The following TRIM22 variants were observed in gnomAD, a reference collection of about 807,000 sequenced individuals.
The protein encoded by TRIM22 is E3 ubiquitin-protein ligase TRIM22.
In TRIM22, 45 loss-of-function variants were observed where a neutral mutation model predicts 53.6. The observed-to-expected ratio is 0.84, with a 90% CI of 0.66 to 1.08. The LOEUF is 1.08. TRIM22 is among the 50% of genes least tolerant of loss of function. The pLI is 0.00. For synonymous variants in TRIM22, 225 were observed against 216.6 expected (o/e 1.04, Z -0.34); for missense variants, 616 against 590.9 (o/e 1.04, Z -0.44).
chr11:5,692,049 G>C (rs141298732), intron 1 of TRIM22, among the ~76,000 whole-genome samples: 17 of 152,024 alleles, frequency 1.1e-4, no homozygotes, highest in Non-Finnish European at 2.2e-4. Flanking sequence ...CTATCTATTC[G>C]ATATATAATC....
In TRIM22 at chr11:5,707,271, T is replaced by C. The variant is rs547461259; in HGVS notation, c.773+655T>C. On this transcript the variant is annotated intron_variant, in intron 5 of 7. Transcript: ENST00000379965. ...CGTAATTTGTCTTTCCCCAAATAAC[T>C]TGAAACCTCAGACATTATTCTCTAG... Among the ~76,000 whole-genome samples, 19 of 152,338 alleles carry C rather than the reference T, an allele frequency of 1.2e-4. No homozygotes were observed. The South Asian group carries it at 3.9e-3, about 32-fold the overall frequency.
At position 5,704,913 on chromosome 11, in the gene TRIM22, C is replaced by T. The variant is rs911435743; in HGVS notation, c.751-1681C>T. 2.6e-5 allele frequency among the ~76,000 whole-genome samples: 4 copies of T among 152,142 alleles called. No homozygotes were observed. The South Asian group carries it at 6.2e-4, about 24-fold the overall frequency. ...GGTGGCAGAGAGCTGAGGAATGTGCCATTTTTTGCAAACAGTTTGGTAATA... is the reference window on the plus strand; with the variant it reads ...GGTGGCAGAGAGCTGAGGAATGTGCTATTTTTTGCAAACAGTTTGGTAATA... On this transcript the variant is annotated intron_variant, in intron 4 of 7. Coordinates refer to ENST00000379965, the MANE Select transcript of TRIM22 (RefSeq NM_006074.5).
intron 1 of TRIM22, among the ~76,000 whole-genome samples, chr11:5,695,184 C>A (rs1853237092): frequency 6.6e-6 from 1 of 152,098 alleles, no homozygotes; most frequent in Non-Finnish European, 1.5e-5. Flanking sequence ...AAATAAGAAG[C>A]TAAATGTGCA....
In TRIM22 at chr11:5,708,600, T is replaced by C. The variant is rs1243045256; in HGVS notation, c.898T>C (p.Trp300Arg). 1.2e-6 allele frequency: 2 copies of C among 1,607,210 alleles called. No individual in the cohort carries two copies. The highest frequency in any genetic ancestry group is 2.2e-5 in the East Asian group (1 of 44,852). Residue 300 changes from tryptophan (W) to arginine (R), a missense_variant, in exon 7 of 8, where the codon TGG becomes CGG. Transcript: ENST00000379965. ...AGAGCTGACAGATGTCCAGTACTACTGGGGTAAGATGATATGGGGTTTTCA... is the reference window on the plus strand; with the variant it reads ...AGAGCTGACAGATGTCCAGTACTACCGGGGTAAGATGATATGGGGTTTTCA... ...LKELTDVQYY[W>R]VDVMLNPGSA...
rs527323100 is a variant in TRIM22 at position 5,700,146 on chromosome 11, G to A, written c.750+1601G>A. On this transcript the variant is annotated intron_variant, in intron 4 of 7. Transcript: ENST00000379965. ...TTTTTTGGTGTATTTTTTTGGAGAC[G>A]GAGTCTCTTACTGTTACCCAGGCTA... Among the ~76,000 whole-genome samples, 504 of 150,480 alleles carry A rather than the reference G, an allele frequency of 3.3e-3. 1 individual carries two copies. The highest frequency in any genetic ancestry group is 5.6e-3 in the Non-Finnish European group (377 of 67,734).
chr11:5,710,332 A>G lies in TRIM22; in HGVS notation c.*684A>G, dbSNP rs1020274332. The G allele has an allele frequency of 2.6e-5, 4 of 152,198 alleles. No individual in the cohort carries two copies. The highest frequency in any genetic ancestry group is 5.9e-5 in the Non-Finnish European group (4 of 68,038). 9.4% of individuals were successfully genotyped at this position (152,198 alleles called of 1,614,324 possible). A position where few individuals can be genotyped will look rare whatever the true frequency, so the allele number is the denominator to read the frequency against. ...CTATAGAAAGAACAGTATTGCTGTA[A>G]TTCCTTTTCTTTTCTTCCTCATTTC... On this transcript the variant is annotated 3_prime_UTR_variant, in exon 8 of 8. Transcript: ENST00000379965.
chr11:5,707,402 A>C (rs1402224197), intron 5 of TRIM22, among the ~76,000 whole-genome samples: 1 of 152,134 alleles, frequency 6.6e-6, no homozygotes, highest in Non-Finnish European at 1.5e-5. Flanking sequence ...TGGCCTCCTT[A>C]ATGACCACCT....
In TRIM22 at chr11:5,708,154, C is replaced by T; in HGVS notation, c.774-19C>T. The T allele has an allele frequency of 6.3e-7, 1 of 1,587,092 alleles. No homozygotes were observed. The highest frequency in any genetic ancestry group is 1.7e-4 in the Middle Eastern group (1 of 5,994). On this transcript the variant is annotated intron_variant, in intron 5 of 7. Transcript: ENST00000379965. Reference sequence around the variant, plus strand: ...AATAGGGCAAAGGTGTAAAGGTTATCAATTTTTGTTATCACTAGGAGTGAA... The same window carrying T: ...AATAGGGCAAAGGTGTAAAGGTTATTAATTTTTGTTATCACTAGGAGTGAA...
At position 5,709,191 on chromosome 11, in the gene TRIM22, G is replaced by T. The variant is rs1788147213; in HGVS notation, c.1040G>T (p.Cys347Phe). 1 of 1,614,158 alleles carries T rather than the reference G, an allele frequency of 6.2e-7. No individual in the cohort carries two copies. The highest frequency in any genetic ancestry group is 8.5e-7 in the Non-Finnish European group (1 of 1,180,026). Residue 347 changes from cysteine (C) to phenylalanine (F), a missense_variant, in exon 8 of 8, where the codon TGC becomes TTC. Cys to Phe is a radical substitution (Grantham distance 205, BLOSUM62 -2). Coordinates refer to ENST00000379965, the MANE Select transcript of TRIM22 (RefSeq NM_006074.5). ...CDFSAFGVFGCQYFSSGKYYW... is the reference protein window; with the variant it reads ...CDFSAFGVFGFQYFSSGKYYW... ...TTTTCTGCTTTTGGTGTCTTCGGCT[G>T]CCAATATTTCTCTTCGGGGAAATAT...
intron 4 of TRIM22, among the ~76,000 whole-genome samples, chr11:5,703,196 C>T (rs1853399923): frequency 6.6e-6 from 1 of 152,214 alleles, no homozygotes; most frequent in East Asian, 1.9e-4. Flanking sequence ...CTCACACACC[C>T]TCCTCCCTCC....
At chr11:5,693,654 G>C (rs1032329997) in intron 1 of TRIM22, among the ~76,000 whole-genome samples, 2 of 148,536 alleles carry the variant, frequency 1.3e-5, no homozygotes, top group African/African-American at 2.5e-5. Context: ...CCCGAGAGGC[G>C]GAGCTGGCAA....
intron 5 of TRIM22, among the ~76,000 whole-genome samples, chr11:5,707,588 T>C (rs535543966): frequency 5.3e-4 from 80 of 152,302 alleles, no homozygotes; most frequent in African/African-American, 1.9e-3. Flanking sequence ...GGCAGGCGGA[T>C]CACTTGAGGT....
At chr11:5,702,596 G>C (rs1001281199) in intron 4 of TRIM22, among the ~76,000 whole-genome samples, 1 of 151,788 alleles carries the variant, frequency 6.6e-6, no homozygotes. Flanking sequence ...AGGTACCTTA[G>C]AGCAGAGTAT....
intron 6 of TRIM22, 39 bp from the exon 7 acceptor site, chr11:5,708,538 T>G (rs773557241): frequency 6.3e-7 from 1 of 1,584,856 alleles, no homozygotes; most frequent in Non-Finnish European, 8.6e-7. Flanking sequence ...ACTTACTTAT[T>G]TGCTTCTAAC....
At chr11:5,692,209 AC>A (rs1853184384) in intron 1 of TRIM22, among the ~76,000 whole-genome samples, 1 of 152,230 alleles carries the variant, frequency 6.6e-6, no homozygotes, top group Non-Finnish European at 1.5e-5. Flanking sequence ...AACAAAAGCA[AC>A]AAACTAAAAG....
chr11:5,697,391 G>A, intron 3 of TRIM22, 48 bp downstream of exon 3: 1 of 1,435,494 alleles, frequency 7.0e-7, no homozygotes, highest in Admixed American at 1.9e-5. Context: ...AATCTGGGCA[G>A]GACCCTGGGC....
intron 4 of TRIM22, among the ~76,000 whole-genome samples, chr11:5,701,200 G>A (rs4360724): frequency 0.59 from 88,882 of 151,828 alleles, 26,186 homozygotes; most frequent in Admixed American, 0.63. Flanking sequence ...CTGGATTAGG[G>A]TAATGCTGAC....
chr11:5,695,194 A>G (rs1163446328), intron 1 of TRIM22, among the ~76,000 whole-genome samples: 1 of 152,234 alleles, frequency 6.6e-6, no homozygotes, highest in African/African-American at 2.4e-5. Context: ...CTAAATGTGC[A>G]GTGAGTGACA....
chr11:5,708,691 C>T, intron 7 of TRIM22, 88 bp downstream of exon 7: 1 of 1,208,508 alleles, frequency 8.3e-7, no homozygotes, highest in East Asian at 2.5e-5. Context: ...GTGTTCCTCC[C>T]CAAACATGCT....
Sources: gnomAD v4.1 joint callset for allele counts (sites outside exome capture counted in the v4.1 genomes callset) on GRCh38, gnomAD v4.1.1 for gene constraint, MANE v1.5 for transcripts, NCBI Gene and HGNC (gene_info 2026-07-23, HGNC 2026-07-21) for gene names.